Variants in TCEA1 observed in about 807,000 individuals in gnomAD.
The protein encoded by TCEA1 is transcription elongation factor A protein 1.
Under a neutral mutation model 43.8 loss-of-function variants are expected in TCEA1, and 21 were observed. The ratio of observed to expected loss-of-function variants is 0.48; its 90% CI spans 0.34 to 0.69. TCEA1 has a LOEUF of 0.69. TCEA1 is among the 30% of genes least tolerant of loss of function. TCEA1 has a pLI of 0.01. For synonymous variants in TCEA1, 104 were observed against 117.5 expected, an observed-to-expected ratio of 0.88 and a Z score of 0.75; for missense variants, 250 against 365.1, an observed-to-expected ratio of 0.68 and a Z score of 2.57.
intron 1 of TCEA1, among the ~76,000 whole-genome samples, chr8:54,014,299 G>A (rs935351713): frequency 6.6e-6 from 1 of 152,026 alleles, no homozygotes; most frequent in African/African-American, 2.4e-5. Flanking sequence ...CCTTCCCCAA[G>A]CATCACCTAG....
chr8:54,006,498 G>A (rs903478763), intron 2 of TCEA1, among the ~76,000 whole-genome samples: 4 of 152,014 alleles, frequency 2.6e-5, no homozygotes, highest in South Asian at 2.1e-4. Context: ...AAAAAACCTC[G>A]AATGTTTGTT....
At chr8:54,021,307 T>C (rs1311446975) in intron 1 of TCEA1, among the ~76,000 whole-genome samples, 1 of 152,172 alleles carries the variant, frequency 6.6e-6, no homozygotes, top group African/African-American at 2.4e-5. Flanking sequence ...CACAAAAGCA[T>C]ATGCTTACAT....
rs761584804 is a variant in TCEA1 at position 53,986,997 on chromosome 8, C to T, written c.495G>A (p.Glu165=). ...CTTCAATTTGAGATCCTAATTCTTCCTCATCAGCTCCAATTGCAATGTAGT... is the reference window on the plus strand; with the variant it reads ...CTTCAATTTGAGATCCTAATTCTTCTTCATCAGCTCCAATTGCAATGTAGT... ...GDDYIAIGAD[E]EELGSQIEEA... is the part of the protein sequence containing the mutation. The change falls in exon 6 of 10, where the codon GAG becomes GAA. Residue 165 remains glutamate (E), a synonymous_variant. Transcript: ENST00000521604. 6.9e-6 allele frequency: 11 copies of T among 1,600,782 alleles called. No homozygotes were observed. Among genetic ancestry groups the T allele is most frequent in the South Asian group, 4.5e-5 (4 of 88,040 alleles).
At chr8:54,009,459 A>G (rs1563511937) in intron 2 of TCEA1, among the ~76,000 whole-genome samples, 1 of 152,248 alleles carries the variant, frequency 6.6e-6, no homozygotes, top group East Asian at 1.9e-4. Flanking sequence ...AAGAAAATTT[A>G]ATGTATATAC....
intron 2 of TCEA1, among the ~76,000 whole-genome samples, chr8:54,007,248 A>T (rs188918795): frequency 3.3e-5 from 5 of 152,338 alleles, no homozygotes. Flanking sequence ...TAAATAAAAT[A>T]CATAGGATTA....
intron 2 of TCEA1, among the ~76,000 whole-genome samples, chr8:54,006,939 G>A (rs1334814182): frequency 6.6e-6 from 1 of 152,102 alleles, no homozygotes; most frequent in Non-Finnish European, 1.5e-5. Context: ...CTGGGTTCAA[G>A]TGGTTCTCCT....
At position 54,021,938 on chromosome 8, in the gene TCEA1, G is replaced by T. The variant is rs572584618; in HGVS notation, c.63+125C>A. 5.6e-5 allele frequency: 55 copies of T among 976,418 alleles called. No individual in the cohort carries two copies. In the East Asian group the frequency reaches 1.7e-3, roughly 30 times the overall value. The allele number at this position is 976,418 out of a possible 1,614,324, so 60.5% of individuals were successfully genotyped here. ...ACACCCTCCCCGGGGACGCGGGCGC[G>T]GCGGGCCCGGCTCCCAGACGGGAGG... On this transcript the variant is annotated intron_variant, in intron 1 of 9. Transcript: ENST00000521604.
intron 8 of TCEA1, chr8:53,972,103 T>A: frequency 3.8e-6 from 1 of 266,308 alleles, no homozygotes. Flanking sequence ...AGAAGAGAAA[T>A]GCAACCAGTG....
chr8:53,996,175 T>C (rs1386323968), intron 3 of TCEA1, among the ~76,000 whole-genome samples: 1 of 152,224 alleles, frequency 6.6e-6, no homozygotes, highest in African/African-American at 2.4e-5. Flanking sequence ...GCACAGTGAA[T>C]TAGTACAATC....
At chr8:54,002,459 A>T (rs1179301595) in intron 2 of TCEA1, among the ~76,000 whole-genome samples, 1 of 146,312 alleles carries the variant, frequency 6.8e-6, no homozygotes, top group Non-Finnish European at 1.5e-5. Flanking sequence ...ACAGAACAAG[A>T]CTCCGTCTCA....
intron 8 of TCEA1, chr8:53,973,816 A>G (rs969159282): frequency 1.5e-5 from 6 of 406,746 alleles, no homozygotes; most frequent in South Asian, 5.1e-5. Context: ...AAAGCTGTGG[A>G]AAAAACCCTT....
intron 6 of TCEA1, among the ~76,000 whole-genome samples, chr8:53,985,862 G>A (rs1803675399): frequency 6.6e-6 from 1 of 152,130 alleles, no homozygotes; most frequent in Non-Finnish European, 1.5e-5. Flanking sequence ...TGCTTTCCAT[G>A]CCCTTTTGCA....
At chr8:54,014,661 A>G (rs1369464395) in intron 1 of TCEA1, among the ~76,000 whole-genome samples, 3 of 152,202 alleles carry the variant, frequency 2.0e-5, no homozygotes, top group Non-Finnish European at 4.4e-5. Context: ...TTTATAAACC[A>G]TGATACTTGT....
chr8:53,976,251 A>G (rs369232373), intron 8 of TCEA1, among the ~76,000 whole-genome samples: 1 of 152,162 alleles, frequency 6.6e-6, no homozygotes, highest in African/African-American at 2.4e-5. Context: ...ATGCCTTCCA[A>G]CTCAAAGGCC....
intron 8 of TCEA1, among the ~76,000 whole-genome samples, chr8:53,975,926 A>T (rs1803319104): frequency 6.6e-6 from 1 of 152,202 alleles, no homozygotes; most frequent in African/African-American, 2.4e-5. Context: ...TAAAACTTAA[A>T]AAGAGAACTC....
chr8:54,006,128 T>A (rs112826778), intron 2 of TCEA1, among the ~76,000 whole-genome samples: 3 of 152,210 alleles, frequency 2.0e-5, no homozygotes, highest in Non-Finnish European at 4.4e-5. Flanking sequence ...TGTACTTAGA[T>A]TGACAAGTAA....
chr8:54,007,999 T>C lies in TCEA1; in HGVS notation c.126+2431A>G, dbSNP rs561902241. 2.6e-5 allele frequency among the ~76,000 whole-genome samples: 4 copies of C among 151,274 alleles called. No homozygotes were observed. In the South Asian group the frequency reaches 8.4e-4, roughly 32 times the overall value. ...GAGTTTGAGACCAGCCTGGCCAACA[T>C]GGTGAAACCCCGTCTCTACTAAAAA... is the stretch of plus-strand genomic sequence containing the variant. On this transcript the variant is annotated intron_variant, in intron 2 of 9. Coordinates refer to ENST00000521604, the MANE Select transcript of TCEA1 (RefSeq NM_006756.4).
At chr8:53,990,817 A>C (rs140835577) in intron 4 of TCEA1, among the ~76,000 whole-genome samples, 1 of 152,130 alleles carries the variant, frequency 6.6e-6, no homozygotes, top group Admixed American at 6.5e-5. Context: ...CTACATTCTG[A>C]TCCTTCCTTT....
intron 8 of TCEA1, among the ~76,000 whole-genome samples, chr8:53,977,576 A>G (rs1265216870): frequency 6.6e-6 from 1 of 152,184 alleles, no homozygotes; most frequent in Non-Finnish European, 1.5e-5. Flanking sequence ...TTAATGTTCT[A>G]TCGGTGAAAA....
Sources: allele counts gnomAD v4.1 joint callset (sites outside exome capture counted in the v4.1 genomes callset), GRCh38; gene constraint gnomAD v4.1.1; transcripts MANE v1.5; gene names NCBI Gene and HGNC (gene_info 2026-07-23, HGNC 2026-07-21).